TCF7L1: variants seen among roughly 807,000 people sequenced by gnomAD.
TCF7L1 encodes the protein transcription factor 7 like 1, also known as transcription factor 7-like 1.
A neutral mutation model predicts 63.7 loss-of-function variants in TCF7L1; 18 were observed. The observed-to-expected ratio is 0.28, with a 90% CI of 0.20 to 0.42. The LOEUF (loss-of-function observed/expected upper bound fraction) is 0.42. Among genes scored for constraint, TCF7L1 ranks in the 10% least tolerant of loss-of-function variants. The probability of loss-of-function intolerance (pLI) is 1.00; values close to 1 mark genes in which losing one functional copy is unlikely to be tolerated. For synonymous variants in TCF7L1, 355 were observed against 340.9 expected (o/e 1.04, Z -0.46); for missense variants, 654 against 779.3 (o/e 0.84, Z 1.91).
chr2:85,154,964 G>T (rs942684144), intron 3 of TCF7L1, among the ~76,000 whole-genome samples: 9 of 152,056 alleles, frequency 5.9e-5, no homozygotes, highest in African/African-American at 1.9e-4. Context: ...CTACAGGTGC[G>T]TGCCACCATG....
At chr2:85,292,906 T>C (rs915423159) in intron 4 of TCF7L1, among the ~76,000 whole-genome samples, 14 of 152,248 alleles carry the variant, frequency 9.2e-5, no homozygotes, top group Admixed American at 6.5e-5. Flanking sequence ...CATAATGCTG[T>C]GTAACAAACA....
chr2:85,133,636 C>T lies in TCF7L1; in HGVS notation c.-49C>T. The T allele has an allele frequency of 1.3e-6, 1 of 773,464 alleles. No homozygotes were observed. Among genetic ancestry groups the T allele is most frequent in the Non-Finnish European group, 1.6e-6 (1 of 638,442 alleles). 47.9% of individuals were successfully genotyped at this position (773,464 alleles called of 1,614,324 possible). ...GCGCCGGGCCGGGCCGGGCAGGGCG[C>T]GGGCGGCTAGGGGCTCCGAGAGCGG... On this transcript the variant is annotated 5_prime_UTR_variant, in exon 1 of 12. Transcript: ENST00000282111. This position sits in a 1 kb window ranked among gnomAD's most constrained non-coding sequence, Gnocchi z 4.4.
chr2:85,281,536 C>T (rs1573024073), intron 3 of TCF7L1, among the ~76,000 whole-genome samples: 1 of 151,942 alleles, frequency 6.6e-6, no homozygotes, highest in Non-Finnish European at 1.5e-5. Flanking sequence ...TAATTCATGT[C>T]GGGTGTGTGG....
intron 3 of TCF7L1, among the ~76,000 whole-genome samples, chr2:85,155,276 A>C (rs1678117852): frequency 1.3e-5 from 2 of 152,112 alleles, no homozygotes; most frequent in Non-Finnish European, 2.9e-5. Context: ...TGTAAAATGG[A>C]CCAATCAGCA....
intron 3 of TCF7L1, among the ~76,000 whole-genome samples, chr2:85,250,301 T>C (rs1259980395): frequency 6.6e-6 from 1 of 152,134 alleles, no homozygotes; most frequent in Non-Finnish European, 1.5e-5. Context: ...CTGGAAGGCA[T>C]CTGCAATAGA....
intron 3 of TCF7L1, among the ~76,000 whole-genome samples, chr2:85,175,855 C>T (rs914683627): frequency 6.6e-6 from 1 of 152,200 alleles, no homozygotes; most frequent in African/African-American, 2.4e-5. Context: ...CGGTTCATGG[C>T]TCTCCTCCCT....
intron 3 of TCF7L1, among the ~76,000 whole-genome samples, chr2:85,224,660 G>A (rs1352995582): frequency 1.3e-5 from 2 of 152,120 alleles, no homozygotes; most frequent in African/African-American, 4.8e-5. Flanking sequence ...ATTTGTTTAA[G>A]TTCTTTGTAG....
At chr2:85,143,546 T>C (rs1361679480) in intron 3 of TCF7L1, among the ~76,000 whole-genome samples, 1 of 152,218 alleles carries the variant, frequency 6.6e-6, no homozygotes, top group African/African-American at 2.4e-5. Flanking sequence ...TAGATACTTG[T>C]TCCCATTTTG....
intron 3 of TCF7L1, among the ~76,000 whole-genome samples, chr2:85,200,752 C>T (rs1255974977): frequency 3.3e-5 from 5 of 152,152 alleles, no homozygotes; most frequent in African/African-American, 9.7e-5. Context: ...TCACTTTTTA[C>T]TGGAATAAGC....
intron 3 of TCF7L1, among the ~76,000 whole-genome samples, chr2:85,156,276 A>C (rs1386625657): frequency 6.6e-6 from 1 of 152,240 alleles, no homozygotes; most frequent in African/African-American, 2.4e-5. Flanking sequence ...TAGTACATTG[A>C]GAAGTCTGGT....
chr2:85,270,083 T>C (rs1193272294), intron 3 of TCF7L1, among the ~76,000 whole-genome samples: 2 of 152,370 alleles, frequency 1.3e-5, no homozygotes, highest in East Asian at 3.9e-4. Flanking sequence ...GGAAGGGTTC[T>C]AAGAGACCCT....
chr2:85,133,677 G>A lies in TCF7L1; in HGVS notation c.-8G>A. On this transcript the variant is annotated 5_prime_UTR_variant, in exon 1 of 12. Coordinates refer to ENST00000282111, the MANE Select transcript of TCF7L1 (RefSeq NM_031283.3). The surrounding 1 kb of genome is among the most constrained non-coding windows in gnomAD (Gnocchi z 4.4). The stretch of plus-strand genomic sequence containing the variant: ...CCGAGAGCGGCGGCCCCGGCCCGCG[G>A]CCCCACCATGCCCCAGCTCGGCGGC... The A allele has an allele frequency of 1.0e-6, 1 of 959,504 alleles. No homozygotes were observed. Among genetic ancestry groups the A allele is most frequent in the Non-Finnish European group, 1.2e-6 (1 of 807,676 alleles). The allele number at this position is 959,504 out of a possible 1,614,324, so 59.4% of individuals were successfully genotyped here.
chr2:85,234,153 T>TC (rs1300211262), intron 3 of TCF7L1, among the ~76,000 whole-genome samples: 12 of 134,402 alleles, frequency 8.9e-5, no homozygotes, highest in Admixed American at 7.4e-4. Context: ...TTTTTTTTTT[T>TC]CGAGATGGAG....
At chr2:85,140,541 G>A (rs1386796619) in intron 3 of TCF7L1, among the ~76,000 whole-genome samples, 1 of 152,184 alleles carries the variant, frequency 6.6e-6, no homozygotes, top group Non-Finnish European at 1.5e-5. Flanking sequence ...GCTCATGTCT[G>A]TAATCCCAGC....
intron 4 of TCF7L1, 60 bp from the exon 5 acceptor site, chr2:85,302,424 C>G: frequency 4.3e-6 from 7 of 1,610,842 alleles, no homozygotes; most frequent in Non-Finnish European, 5.9e-6. Context: ...CCATAAATAA[C>G]AGCTGGTCAT....
At chr2:85,239,963 A>C (rs202088023) in intron 3 of TCF7L1, among the ~76,000 whole-genome samples, 1 of 128,842 alleles carries the variant, frequency 7.8e-6, no homozygotes, top group African/African-American at 2.8e-5. Context: ...AAAAAAAAAC[A>C]AAAAAAAAAC....
intron 3 of TCF7L1, among the ~76,000 whole-genome samples, chr2:85,206,377 T>C (rs1456680188): frequency 6.6e-6 from 1 of 152,224 alleles, no homozygotes; most frequent in Admixed American, 6.5e-5. Context: ...AAGGTAAGAT[T>C]CTGATAGAAG....
chr2:85,217,615 G>A (rs1436994592), intron 3 of TCF7L1, among the ~76,000 whole-genome samples: 1 of 152,074 alleles, frequency 6.6e-6, no homozygotes, highest in African/African-American at 2.4e-5. Flanking sequence ...AGAGTTTACT[G>A]ACATCCTACC....
At chr2:85,273,516 G>A (rs2104358584) in intron 3 of TCF7L1, among the ~76,000 whole-genome samples, 1 of 152,340 alleles carries the variant, frequency 6.6e-6, no homozygotes, top group Non-Finnish European at 1.5e-5. Context: ...TGATAACCTT[G>A]TATGGGCAAG....
Sources: gnomAD v4.1 joint callset for allele counts (sites outside exome capture counted in the v4.1 genomes callset) on GRCh38, gnomAD v4.1.1 for gene constraint, Gnocchi (gnomAD v3.1) non-coding constraint, MANE v1.5 for transcripts, NCBI Gene and HGNC (gene_info 2026-07-23, HGNC 2026-07-21) for gene names.